HEG1: variants seen among roughly 807,000 people sequenced by gnomAD.
The protein encoded by HEG1 is heart development protein with EGF like domains 1.
Under a neutral mutation model 125.6 loss-of-function variants are expected in HEG1, and 56 were observed. The ratio of observed to expected loss-of-function variants is 0.45; its 90% confidence interval spans 0.36 to 0.56. The LOEUF is 0.56. Among genes scored for constraint, HEG1 ranks in the 20% least tolerant of loss-of-function variants. The probability of loss-of-function intolerance (pLI) is 0.00; values close to 1 mark genes in which losing one functional copy is unlikely to be tolerated. For synonymous variants in HEG1, 644 were observed against 668.5 expected (o/e 0.96, Z 0.57); for missense variants, 1,523 against 1,670.0 (o/e 0.91, Z 1.53).
intron 12 of HEG1, among the ~76,000 whole-genome samples, chr3:124,997,149 C>T (rs1207098606): frequency 6.6e-6 from 1 of 152,142 alleles, no homozygotes; most frequent in Non-Finnish European, 1.5e-5. Context: ...ATATCCACTG[C>T]CTTCCTTAAC....
chr3:124,982,690 G>C (rs909035493), intron 14 of HEG1, among the ~76,000 whole-genome samples: 3 of 152,136 alleles, frequency 2.0e-5, no homozygotes, highest in African/African-American at 7.2e-5. Context: ...ATGCTTATTT[G>C]GATGGGATCT....
intron 9 of HEG1, among the ~76,000 whole-genome samples, chr3:125,004,916 A>G (rs56249692): frequency 0.32 from 48,658 of 152,072 alleles, 8,860 homozygotes; most frequent in South Asian, 0.42. Context: ...GCCTGTTAAC[A>G]GCAGATGGGA....
chr3:125,051,765 C>A (rs1937811676), intron 1 of HEG1, among the ~76,000 whole-genome samples: 1 of 152,236 alleles, frequency 6.6e-6, no homozygotes, highest in Admixed American at 6.5e-5. Context: ...CTGAAGAAGG[C>A]AGTAAGTGGC....
At chr3:125,010,188 C>T (rs1937136434) in intron 7 of HEG1, among the ~76,000 whole-genome samples, 1 of 152,144 alleles carries the variant, frequency 6.6e-6, no homozygotes, top group South Asian at 2.1e-4. Flanking sequence ...ACAGTAAAGT[C>T]CAGGGGCAGG....
rs892443779 is a variant in HEG1, at chr3:124,968,599, T to C, written c.*2053A>G. ...AGTCTTCTGGCTCCGATAGAGGAGA[T>C]GATTTGTCAGCTGTGACGTCAGCTG... On this transcript the variant is annotated 3_prime_UTR_variant, in exon 17 of 17. Coordinates refer to ENST00000311127, the MANE Select transcript of HEG1 (RefSeq NM_020733.2). 6.6e-6 allele frequency: 1 copy of C among 152,140 alleles called. No homozygotes were observed. The highest frequency in any genetic ancestry group is 1.5e-5 in the Non-Finnish European group (1 of 68,020). 9.4% of individuals were successfully genotyped at this position (152,140 alleles called of 1,614,324 possible). A position where few individuals can be genotyped will look rare whatever the true frequency, so the allele number is the denominator to read the frequency against.
intron 3 of HEG1, among the ~76,000 whole-genome samples, chr3:125,022,713 AG>A (rs113440562): frequency 0.48 from 72,056 of 149,394 alleles, 17,733 homozygotes; most frequent in Middle Eastern, 0.63. Context: ...ATAAATAAAA[AG>A]AAAAGAAAGC....
rs777497222 is a variant in HEG1, at chr3:125,029,165, G to T, written c.610+30C>A. ...GTTTTCCAGGACTGGACACACATGCGTGAAATGCGCATCATCAGCACAAGC... is the reference window on the plus strand; with the variant it reads ...GTTTTCCAGGACTGGACACACATGCTTGAAATGCGCATCATCAGCACAAGC... On this transcript the variant is annotated intron_variant, in intron 2 of 16. Transcript: ENST00000311127. The T allele has an allele frequency of 4.4e-6, 7 of 1,597,038 alleles. No homozygotes were observed. The South Asian group carries it at 6.8e-5, about 15-fold the overall frequency.
intron 1 of HEG1, among the ~76,000 whole-genome samples, chr3:125,042,930 T>C (rs1418818792): frequency 1.3e-5 from 2 of 152,212 alleles, no homozygotes; most frequent in African/African-American, 4.8e-5. Context: ...GATGTAATGA[T>C]TTTGGGTGGA....
intron 1 of HEG1, among the ~76,000 whole-genome samples, chr3:125,032,180 T>A (rs1261304178): frequency 1.3e-5 from 2 of 152,212 alleles, no homozygotes; most frequent in African/African-American, 4.8e-5. Context: ...GGTGGCTGCA[T>A]CACTTGCCAG....
At chr3:125,005,416 T>C (rs368909659) in intron 8 of HEG1, 48 bp from the exon 9 acceptor site, 3 of 1,032,074 alleles carry the variant, frequency 2.9e-6, no homozygotes, top group East Asian at 2.5e-5. Flanking sequence ...GAAGAACCTA[T>C]GCAAGGCTGT....
In HEG1 at chr3:124,985,155, C is replaced by T. The variant is rs865952734; in HGVS notation, c.3733+5632G>A. 2.2e-4 allele frequency among the ~76,000 whole-genome samples: 33 copies of T among 152,060 alleles called. 1 individual carries two copies. Among genetic ancestry groups the T allele is most frequent in the Non-Finnish European group, 1.6e-4 (11 of 68,014 alleles). On this transcript the variant is annotated intron_variant, in intron 14 of 16. Coordinates refer to ENST00000311127, the MANE Select transcript of HEG1 (RefSeq NM_020733.2). Reference sequence around the variant, plus strand: ...TATGGGCCTGGTGAGAATTCAGATTCGGATTCAGTGGGTCTGGAGTGGGGA... The same window carrying T: ...TATGGGCCTGGTGAGAATTCAGATTTGGATTCAGTGGGTCTGGAGTGGGGA...
Position 125,055,808 on chromosome 3 carries a change from GGGGCCGCCGGCGGCAGCAGCAGCAGC to G in HEG1, c.57_82del (p.Leu20ArgfsTer58), listed in dbSNP as rs1428420729. The G allele has an allele frequency of 1.0e-6, 1 of 982,756 alleles. No homozygotes were observed. The highest frequency in any genetic ancestry group is 1.2e-6 in the Non-Finnish European group (1 of 828,906). The allele number at this position is 982,756 out of a possible 1,614,324, so 60.9% of individuals were successfully genotyped here. A position where few individuals can be genotyped will look rare whatever the true frequency, so the allele number is the denominator to read the frequency against. On this transcript the variant is annotated frameshift_variant, in exon 1 of 17. Coordinates refer to ENST00000311127, the MANE Select transcript of HEG1 (RefSeq NM_020733.2). LOFTEE classifies it high-confidence loss of function. ...GGAAGGCGGCGGGTCCCGCGTCCCG[GGGGCCGCCGGCGGCAGCAGCAGCAGC>G]GGCAGCAACAGCAGCAGGAGCGGCG... is the stretch of plus-strand genomic sequence containing the variant.
chr3:125,019,147 C>T lies in HEG1; in HGVS notation c.1588+115G>A, dbSNP rs559978868. On this transcript the variant is annotated intron_variant, in intron 5 of 16. Transcript: ENST00000311127. ...CCTCCCAAAGTGCTGGGATTACAGG[C>T]GTGAGCCACCACGCTAGGCCCTCAT... 4.6e-4 allele frequency: 393 copies of T among 846,430 alleles called. 2 individuals are homozygous for T. The highest frequency in any genetic ancestry group is 7.4e-4 in the Admixed American group (31 of 41,924). The allele number at this position is 846,430 out of a possible 1,614,324, so 52.4% of individuals were successfully genotyped here. A position where few individuals can be genotyped will look rare whatever the true frequency, so the allele number is the denominator to read the frequency against.
intron 8 of HEG1, 28 bp downstream of exon 8, chr3:125,009,677 A>G (rs375385851): frequency 1.1e-5 from 17 of 1,591,414 alleles, no homozygotes; most frequent in Non-Finnish European, 1.5e-5. Context: ...GGTACGGAAT[A>G]AAGTCCGAAA....
intron 1 of HEG1, among the ~76,000 whole-genome samples, chr3:125,033,584 C>G (rs1016061458): frequency 6.6e-6 from 1 of 152,152 alleles, no homozygotes; most frequent in Non-Finnish European, 1.5e-5. Context: ...GTCACATTAC[C>G]TCTGTGGTCT....
chr3:124,971,144 G>C (rs916221623), intron 16 of HEG1: 3 of 480,162 alleles, frequency 6.2e-6, no homozygotes, highest in Non-Finnish European at 1.2e-5. Context: ...TCAAAAAAAG[G>C]CTCCCTGGGA....
intron 1 of HEG1, among the ~76,000 whole-genome samples, chr3:125,054,801 A>C (rs903496875): frequency 2.6e-5 from 4 of 152,242 alleles, no homozygotes; most frequent in Non-Finnish European, 5.9e-5. Context: ...GCGCAAAGAG[A>C]CAGCAGTCCC....
chr3:125,008,762 A>C (rs1025438489), intron 8 of HEG1, among the ~76,000 whole-genome samples: 5 of 152,216 alleles, frequency 3.3e-5, no homozygotes, highest in Non-Finnish European at 5.9e-5. Context: ...GTGCCACTGC[A>C]CCACAGCCTG....
rs1936340694 is a variant in HEG1, at chr3:124,967,630, CTACA to C, written c.*3018_*3021del. ...TGTGCCAGGACAGTAAGGCAGGGGG[CTACA>C]GTGGGCAGAGTAGCTGGGGGAGTCA... On this transcript the variant is annotated 3_prime_UTR_variant, in exon 17 of 17. Transcript: ENST00000311127. The C allele has an allele frequency of 6.6e-6, 1 of 152,008 alleles. No homozygotes were observed. The highest frequency in any genetic ancestry group is 2.4e-5 in the African/African-American group (1 of 41,330). The allele number at this position is 152,008 out of a possible 1,614,324, so 9.4% of individuals were successfully genotyped here. A position where few individuals can be genotyped will look rare whatever the true frequency, so the allele number is the denominator to read the frequency against.
Sources: gnomAD v4.1 joint callset for allele counts (sites outside exome capture counted in the v4.1 genomes callset) on GRCh38, gnomAD v4.1.1 for gene constraint, MANE v1.5 for transcripts, NCBI Gene and HGNC (gene_info 2026-07-23, HGNC 2026-07-21) for gene names.